Variants in CD209 observed in about 807,000 individuals in gnomAD.
CD209 encodes CD209 molecule, also known as CD209 antigen.
CD209 carries 31 observed loss-of-function variants against 44.7 expected under a neutral mutation model. The ratio of observed to expected loss-of-function variants is 0.69; its 90% CI spans 0.52 to 0.94. The LOEUF (loss-of-function observed/expected upper bound fraction) is 0.94, where lower values mean the gene tolerates loss of function less well. Ranked by LOEUF, CD209 falls within the 40% of genes least tolerant of loss-of-function variation. CD209 has a pLI of 0.00. For synonymous variants in CD209, 173 were observed against 181.3 expected, an observed-to-expected ratio of 0.95 and a Z score of 0.37; for missense variants, 407 against 452.4, an observed-to-expected ratio of 0.90 and a Z score of 0.91.
rs754931032 is a variant in CD209, at chr19:7,742,912, CAAG to C, written c.*124_*126del. The C allele has an allele frequency of 5.0e-5, 40 of 792,562 alleles. No individual in the cohort carries two copies. Among genetic ancestry groups the C allele is most frequent in the Middle Eastern group, 3.8e-4 (1 of 2,630 alleles). The allele number at this position is 792,562 out of a possible 1,614,324, so 49.1% of individuals were successfully genotyped here. On this transcript the variant is annotated 3_prime_UTR_variant, in exon 7 of 7. Coordinates refer to ENST00000315599, the MANE Select transcript of CD209 (RefSeq NM_021155.4). Reference sequence around the variant, plus strand: ...ACACCAGGGGAAATTGGAGGCATGACAAGAAGGACAGAATGGGACCCAGCCTTC... The same window carrying C: ...ACACCAGGGGAAATTGGAGGCATGACAAGGACAGAATGGGACCCAGCCTTC...
In CD209 at chr19:7,744,100, G is replaced by C; in HGVS notation, c.1013+7C>G. 6.2e-7 allele frequency: 1 copy of C among 1,604,134 alleles called. No individual in the cohort carries two copies. The highest frequency in any genetic ancestry group is 8.5e-7 in the Non-Finnish European group (1 of 1,171,072). ...CCAGTGGATAGGGTGCCCCTTCTGA[G>C]ATCTACCTGGGCAACAGAGGTGAGC... is the stretch of plus-strand genomic sequence containing the variant. On this transcript the variant is annotated splice_region_variant and intron_variant, in intron 6 of 6. Coordinates refer to ENST00000315599, the MANE Select transcript of CD209 (RefSeq NM_021155.4).
chr19:7,747,272 C>T (rs766153951), intron 2 of CD209, 34 bp downstream of exon 2: 18 of 1,611,836 alleles, frequency 1.1e-5, no homozygotes, highest in African/African-American at 5.3e-5. Flanking sequence ...AGGAGTCTCT[C>T]GTCTCTCCTC....
chr19:7,741,431 G>A lies in CD209; in HGVS notation c.*1608C>T. 2.6e-6 allele frequency: 1 copy of A among 389,102 alleles called. No individual in the cohort carries two copies. The highest frequency in any genetic ancestry group is 6.4e-5 in the East Asian group (1 of 15,662). 24.1% of individuals were successfully genotyped at this position (389,102 alleles called of 1,614,324 possible). A position where few individuals can be genotyped will look rare whatever the true frequency, so the allele number is the denominator to read the frequency against. On this transcript the variant is annotated 3_prime_UTR_variant, in exon 7 of 7. Transcript: ENST00000315599. Reference sequence around the variant, plus strand: ...CGCTTGAACCCGGGAGGCGGAAGTTGCAGTGAGCCTAGATCGCGCCACTGC... The same window carrying A: ...CGCTTGAACCCGGGAGGCGGAAGTTACAGTGAGCCTAGATCGCGCCACTGC...
At position 7,742,596 on chromosome 19, in the gene CD209, T is replaced by A. The variant is rs4804801; in HGVS notation, c.*443A>T. On this transcript the variant is annotated 3_prime_UTR_variant, in exon 7 of 7. Transcript: ENST00000315599. Reference sequence around the variant, plus strand: ...CATGCCCTCTCTGGGTGCCATTGGTTGACTGGGGGAATTAATTCCCTGGTG... The same window carrying A: ...CATGCCCTCTCTGGGTGCCATTGGTAGACTGGGGGAATTAATTCCCTGGTG... 0.79 allele frequency: 141,532 copies of A among 178,690 alleles called. 60,598 individuals carry two copies. Among genetic ancestry groups the A allele is most frequent in the Non-Finnish European group, 0.95 (78,591 of 82,956 alleles). The allele number at this position is 178,690 out of a possible 1,614,324, so 11.1% of individuals were successfully genotyped here. A position where few individuals can be genotyped will look rare whatever the true frequency, so the allele number is the denominator to read the frequency against.
At chr19:7,746,228 G>T in intron 3 of CD209, 141 bp from the exon 4 acceptor site, 3 of 1,311,264 alleles carry the variant, frequency 2.3e-6, no homozygotes, top group Non-Finnish European at 3.1e-6. Context: ...CTGACACCTG[G>T]AGAAGGCAGC....
At chr19:7,745,125 G>T in intron 4 of CD209, 33 bp from the exon 5 acceptor site, 1 of 1,613,044 alleles carries the variant, frequency 6.2e-7, no homozygotes, top group Non-Finnish European at 8.5e-7. Context: ...GCTGGGCTTA[G>T]ATTAGGTTGT....
intron 2 of CD209, 67 bp downstream of exon 2, chr19:7,747,239 A>G: frequency 6.5e-7 from 1 of 1,534,168 alleles, no homozygotes; most frequent in Admixed American, 1.7e-5. Flanking sequence ...CCCAGCGTCC[A>G]GCTCCTCAGG....
At position 7,745,719 on chromosome 19, in the gene CD209, G is replaced by A. The variant is rs878867036; in HGVS notation, c.547C>T (p.Leu183Phe). Residue 183 changes from leucine to phenylalanine, a missense_variant, in exon 4 of 7, where the codon CTT becomes TTT. Physicochemically the swap from Leu to Phe is conservative, Grantham distance 22. Around this residue, in one of 3 missense-constraint regions of CD209, gnomAD observed 85 missense variants for 139.9 expected, o/e 0.61. Transcript: ENST00000315599. Reference sequence around the variant, plus strand: ...TCCTGCTGCTTAGATTTCTCTGGAAGCTCACCCACTGCAGCCTTCAGCCGA... The same window carrying A: ...TCCTGCTGCTTAGATTTCTCTGGAAACTCACCCACTGCAGCCTTCAGCCGA... ...LTRLKAAVGELPEKSKQQEIY... is the reference protein window; with the variant it reads ...LTRLKAAVGEFPEKSKQQEIY... The A allele has an allele frequency of 6.3e-7, 1 of 1,598,552 alleles. No individual in the cohort carries two copies. The highest frequency in any genetic ancestry group is 8.5e-7 in the Non-Finnish European group (1 of 1,179,302).
Position 7,741,155 on chromosome 19 carries a change from AG to A in CD209, c.*1883del. 9.5e-7 allele frequency: 1 copy of A among 1,049,208 alleles called. No homozygotes were observed. The highest frequency in any genetic ancestry group is 1.4e-6 in the Non-Finnish European group (1 of 719,818). The allele number at this position is 1,049,208 out of a possible 1,614,324, so 65.0% of individuals were successfully genotyped here. A position where few individuals can be genotyped will look rare whatever the true frequency, so the allele number is the denominator to read the frequency against. On this transcript the variant is annotated 3_prime_UTR_variant, in exon 7 of 7. Transcript: ENST00000315599. ...TACCAACAGTTCCTAGATTTCTGTG[AG>A]GATGTGCTGCCCGAGTTCAAGAACG...
rs201684036 is a variant in CD209 at position 7,743,050 on chromosome 19, G to A, written c.1204C>T (p.Pro402Ser). The A allele has an allele frequency of 5.6e-6, 9 of 1,612,660 alleles. No homozygotes were observed. The highest frequency in any genetic ancestry group is 1.7e-5 in the Admixed American group (1 of 60,016). ...LSPAPATPNP[P>S]PA is the part of the protein sequence containing the mutation. ...GGGGTGAAGTTCTGCTACGCAGGAG[G>A]GGGGTTTGGGGTGGCAGGGGCTGGA... The change falls in exon 7 of 7, where the codon CCT (proline) becomes TCT (serine). Residue 402 changes from proline (P) to serine (S), a missense_variant. By Grantham distance (74) the Pro-to-Ser change is moderately conservative. Transcript: ENST00000315599.
Position 7,741,254 on chromosome 19 carries a change from G to C in CD209, c.*1785C>G, listed in dbSNP as rs190106388. 756 of 474,562 alleles carry C rather than the reference G, an allele frequency of 1.6e-3. 9 individuals are homozygous for C. In the East Asian group the frequency reaches 0.027, roughly 17 times the overall value. 29.4% of individuals were successfully genotyped at this position (474,562 alleles called of 1,614,324 possible). On this transcript the variant is annotated 3_prime_UTR_variant, in exon 7 of 7. Transcript: ENST00000315599. The stretch of plus-strand genomic sequence containing the variant: ...TGGGAGGACGCGGCGGGCGAATCAC[G>C]AGGTCAAGAGATCGAGACCATCCTG...
At position 7,741,136 on chromosome 19, in the gene CD209, C is replaced by T; in HGVS notation, c.*1903G>A. On this transcript the variant is annotated 3_prime_UTR_variant, in exon 7 of 7. Coordinates refer to ENST00000315599, the MANE Select transcript of CD209 (RefSeq NM_021155.4). ...GTACAGCGAGGAAGAAACCTACCAA[C>T]AGTTCCTAGATTTCTGTGAGGATGT... is the stretch of plus-strand genomic sequence containing the variant. The T allele has an allele frequency of 9.2e-7, 1 of 1,081,164 alleles. No homozygotes were observed. 67.0% of individuals were successfully genotyped at this position (1,081,164 alleles called of 1,614,324 possible). A position where few individuals can be genotyped will look rare whatever the true frequency, so the allele number is the denominator to read the frequency against.
chr19:7,745,061 C>T lies in CD209; in HGVS notation c.780G>A (p.Trp260Ter). 1.2e-6 allele frequency: 2 copies of T among 1,614,238 alleles called. No homozygotes were observed. Among genetic ancestry groups the T allele is most frequent in the African/African-American group, 2.7e-5 (2 of 75,054 alleles). ...ERLCHPCPWE[W>*]TFFQGNCYFM... is the part of the protein sequence containing the mutation. The stretch of plus-strand genomic sequence containing the variant: ...AGTAACAGTTTCCTTGGAAGAATGT[C>T]CATTCCCAGGGACAGGGGTGGCACA... Residue 260 changes from tryptophan (W) to a stop codon, truncating the protein, a stop_gained, in exon 5 of 7, where the codon TGG becomes TGA. Coordinates refer to ENST00000315599, the MANE Select transcript of CD209 (RefSeq NM_021155.4). LOFTEE classifies it high-confidence loss of function.
intron 6 of CD209, among the ~76,000 whole-genome samples, chr19:7,743,562 G>A (rs1223492035): frequency 6.6e-6 from 1 of 152,094 alleles, no homozygotes; most frequent in Admixed American, 6.5e-5. Context: ...TCACCCCAAG[G>A]CCAGGTGTCA....
chr19:7,741,450 C>A lies in CD209; in HGVS notation c.*1589G>T. 4.6e-6 allele frequency: 2 copies of A among 437,288 alleles called. No homozygotes were observed. The highest frequency in any genetic ancestry group is 2.1e-5 in the African/African-American group (1 of 48,748). 27.1% of individuals were successfully genotyped at this position (437,288 alleles called of 1,614,324 possible). Reference sequence around the variant, plus strand: ...GAAGTTGCAGTGAGCCTAGATCGCGCCACTGCACTCCAGCCTGGCGACAGA... The same window carrying A: ...GAAGTTGCAGTGAGCCTAGATCGCGACACTGCACTCCAGCCTGGCGACAGA... On this transcript the variant is annotated 3_prime_UTR_variant, in exon 7 of 7. Transcript: ENST00000315599.
At chr19:7,743,827 T>C (rs2033701077) in intron 6 of CD209, among the ~76,000 whole-genome samples, 1 of 152,192 alleles carries the variant, frequency 6.6e-6, no homozygotes, top group Non-Finnish European at 1.5e-5. Flanking sequence ...AGGTGTCTCC[T>C]GAGCTGGTGG....
chr19:7,745,157 GC>G, intron 4 of CD209, 65 bp from the exon 5 acceptor site: 4 of 1,590,534 alleles, frequency 2.5e-6, no homozygotes, highest in Non-Finnish European at 3.4e-6. Flanking sequence ...TACCTGCCCA[GC>G]CTTCAAGGTC....
At position 7,740,200 on chromosome 19, in the gene CD209, A is replaced by G. The variant is rs2033566694; in HGVS notation, c.*2839T>C. The G allele has an allele frequency of 9.4e-6, 3 of 320,138 alleles. No individual in the cohort carries two copies. Among genetic ancestry groups the G allele is most frequent in the Non-Finnish European group, 1.8e-5 (3 of 171,396 alleles). 19.8% of individuals were successfully genotyped at this position (320,138 alleles called of 1,614,324 possible). A position where few individuals can be genotyped will look rare whatever the true frequency, so the allele number is the denominator to read the frequency against. On this transcript the variant is annotated 3_prime_UTR_variant, in exon 7 of 7. Coordinates refer to ENST00000315599, the MANE Select transcript of CD209 (RefSeq NM_021155.4). ...GCTCAATCTGATTGGATCAAGGATC[A>G]TGCCACGTGGTGTCCACTTCTTAAC...
intron 2 of CD209, among the ~76,000 whole-genome samples, chr19:7,746,974 GT>G (rs1225409155): frequency 1.3e-5 from 2 of 148,726 alleles, no homozygotes; most frequent in African/African-American, 5.0e-5. Flanking sequence ...CCAGGCCCAA[GT>G]CCCCACCTCC....
Sources: allele counts gnomAD v4.1 joint callset (sites outside exome capture counted in the v4.1 genomes callset), GRCh38; gene constraint gnomAD v4.1.1; regional missense constraint gnomAD v4.1.1; transcripts MANE v1.5; gene names NCBI Gene and HGNC (gene_info 2026-07-23, HGNC 2026-07-21).